Variants in GBA1 observed in about 807,000 individuals in gnomAD.
The protein encoded by GBA1 is glucosylceramidase beta 1.
the GBA1 span, chr1:155,241,308 G>A: frequency 4.7e-6 from 3 of 643,728 alleles, no homozygotes; most frequent in Non-Finnish European, 8.5e-6. Context: ...CACAGGAAGT[G>A]AGGCAATCAC....
At chr1:155,239,497 C>T in the GBA1 span, 1 of 1,127,726 alleles carries the variant, frequency 8.9e-7, no homozygotes, top group Non-Finnish European at 1.3e-6. Flanking sequence ...CACCACTGCA[C>T]TCCTGTCTCG....
chr1:155,237,953 G>A, the GBA1 span: 1 of 710,922 alleles, frequency 1.4e-6, no homozygotes, highest in Admixed American at 2.7e-5. Flanking sequence ...CAGACCGAGA[G>A]AACAGGAAGC....
the GBA1 span, chr1:155,236,039 C>G: frequency 2.7e-6 from 2 of 734,634 alleles, no homozygotes; most frequent in African/African-American, 1.8e-5. Context: ...GAGGCAGCTG[C>G]AAGTGCCTCA....
chr1:155,236,458 G>T, the GBA1 span: 3 of 1,613,930 alleles, frequency 1.9e-6, no homozygotes, highest in Non-Finnish European at 2.5e-6. Flanking sequence ...CTGCTTCTGG[G>T]TCTGTCAGTA....
the GBA1 span, among the ~76,000 whole-genome samples, chr1:155,239,389 G>A: frequency 6.6e-6 from 1 of 152,000 alleles, no homozygotes; most frequent in South Asian, 2.1e-4. Context: ...AATTAGCCAG[G>A]TGGTAGTGGC....
chr1:155,237,895 C>G, the GBA1 span: 1 of 631,838 alleles, frequency 1.6e-6, no homozygotes, highest in Non-Finnish European at 2.7e-6. Flanking sequence ...GAGAGAGAGA[C>G]TCCTTCTCAA....
At chr1:155,236,448 C>T in the GBA1 span, 4 of 1,614,030 alleles carry the variant, frequency 2.5e-6, no homozygotes, top group African/African-American at 4.0e-5. Flanking sequence ...ACATATTTAG[C>T]TGCTTCTGGG....
chr1:155,237,791 A>G, the GBA1 span: 2 of 1,006,448 alleles, frequency 2.0e-6, no homozygotes, highest in Admixed American at 4.6e-5. Flanking sequence ...AATCCCAGCT[A>G]CTTGGAAGGC....
chr1:155,239,658 G>C, the GBA1 span: 1 of 1,614,196 alleles, frequency 6.2e-7, no homozygotes, highest in Admixed American at 1.7e-5. Flanking sequence ...TTTTGGGCAG[G>C]GGGTGACAGG....
chr1:155,239,270 T>G, the GBA1 span, among the ~76,000 whole-genome samples: 1 of 150,626 alleles, frequency 6.6e-6, no homozygotes, highest in African/African-American at 2.4e-5. Context: ...TGGCTCACAC[T>G]TGTAATTCCA....
chr1:155,238,382 G>A, the GBA1 span: 4 of 1,482,870 alleles, frequency 2.7e-6, no homozygotes, highest in Non-Finnish European at 3.7e-6. Context: ...ATCCGGTTCA[G>A]CCATTAGCCT....
the GBA1 span, among the ~76,000 whole-genome samples, chr1:155,237,023 C>T: frequency 5.2e-5 from 7 of 134,240 alleles, no homozygotes; most frequent in Non-Finnish European, 1.1e-4. Flanking sequence ...CACCATCATG[C>T]CCAGATAATT....
the GBA1 span, chr1:155,244,193 T>C: frequency 6.6e-6 from 1 of 152,196 alleles, no homozygotes; most frequent in Non-Finnish European, 1.5e-5. Flanking sequence ...AGGTCAGGAA[T>C]TGGAGACCAG....
chr1:155,238,985 G>A, the GBA1 span: 11 of 365,392 alleles, frequency 3.0e-5, no homozygotes, highest in Non-Finnish European at 5.8e-5. Context: ...TTGGGAGGCC[G>A]ATGTGGGCAG....
the GBA1 span, chr1:155,235,325 C>A: frequency 2.5e-6 from 4 of 1,608,198 alleles, no homozygotes; most frequent in Admixed American, 5.1e-5. Context: ...AATGTGGGAA[C>A]AGATGGTCAG....
chr1:155,241,790 A>C, the GBA1 span, among the ~76,000 whole-genome samples: 11 of 152,308 alleles, frequency 7.2e-5, no homozygotes, highest in South Asian at 2.1e-3. Flanking sequence ...AGTGAAGTGC[A>C]GGGCACAAGA....
the GBA1 span, chr1:155,238,242 C>T: frequency 2.5e-6 from 4 of 1,613,234 alleles, no homozygotes; most frequent in South Asian, 4.4e-5. Flanking sequence ...GGGTGATGTC[C>T]AGGGGCTGGC....
At chr1:155,237,183 CA>C in the GBA1 span, among the ~76,000 whole-genome samples, 1 of 152,120 alleles carries the variant, frequency 6.6e-6, no homozygotes, top group African/African-American at 2.4e-5. Context: ...AGAAAGGTTT[CA>C]AGCGACAACT....
At chr1:155,239,861 AG>A in the GBA1 span, 4 of 1,614,072 alleles carry the variant, frequency 2.5e-6, no homozygotes, top group Non-Finnish European at 3.4e-6. Flanking sequence ...AGCCTGGCCC[AG>A]GGGGTGAGGG....
Sources: gnomAD v4.1 joint callset for allele counts (sites outside exome capture counted in the v4.1 genomes callset) on GRCh38, gnomAD v4.1.1 for gene constraint, MANE v1.5 for transcripts, NCBI Gene and HGNC (gene_info 2026-07-23, HGNC 2026-07-21) for gene names.